The following LRP1B variants were observed in gnomAD, a reference collection of about 807,000 sequenced individuals.
LRP1B encodes the protein LDL receptor related protein 1B.
A neutral mutation model predicts 556.6 loss-of-function variants in LRP1B; 217 were observed. That is an observed-to-expected ratio of 0.39 (90% CI 0.35 to 0.44). LRP1B has a LOEUF of 0.44. Ranked by LOEUF, LRP1B falls within the 20% of genes least tolerant of loss-of-function variation. LRP1B has a pLI of 1.00. For synonymous variants in LRP1B, 2,047 were observed against 1,865.8 expected (o/e 1.10, Z -2.50); for missense variants, 5,053 against 5,620.8 (o/e 0.90, Z 3.23).
intron 2 of LRP1B, among the ~76,000 whole-genome samples, chr2:141,557,658 TAGTG>T (rs1191431128): frequency 1.3e-5 from 2 of 151,820 alleles, no homozygotes; most frequent in Non-Finnish European, 2.9e-5. Flanking sequence ...TCCTTAGAAA[TAGTG>T]AGCCACGAGA....
At chr2:140,376,304 A>G (rs1439153130) in intron 68 of LRP1B, among the ~76,000 whole-genome samples, 1 of 152,208 alleles carries the variant, frequency 6.6e-6, no homozygotes, top group East Asian at 1.9e-4. Context: ...TTGATTTCGC[A>G]TATGCACTTT....
At chr2:140,881,002 T>C (rs1334866371) in intron 25 of LRP1B, among the ~76,000 whole-genome samples, 3 of 152,112 alleles carry the variant, frequency 2.0e-5, no homozygotes, top group Non-Finnish European at 2.9e-5. Flanking sequence ...AATATAACAG[T>C]ATTTATATAA....
At chr2:141,247,533 C>T (rs923976227) in intron 4 of LRP1B, among the ~76,000 whole-genome samples, 179 bp from the exon 5 acceptor site, 1 of 152,104 alleles carries the variant, frequency 6.6e-6, no homozygotes, top group African/African-American at 2.4e-5. Flanking sequence ...TTAATATTTA[C>T]AGAGATAAAA....
intron 1 of LRP1B, among the ~76,000 whole-genome samples, chr2:142,048,104 T>C (rs1704322587): frequency 6.6e-6 from 1 of 152,088 alleles, no homozygotes; most frequent in Non-Finnish European, 1.5e-5. Context: ...GTTGCTTAAA[T>C]TTTCTAAGGT....
chr2:140,583,319 C>T (rs1006414023), intron 43 of LRP1B, among the ~76,000 whole-genome samples: 4 of 151,612 alleles, frequency 2.6e-5, no homozygotes, highest in East Asian at 1.9e-4. Context: ...GGATTACAGG[C>T]GAGCACCACC....
At chr2:140,832,308 T>C (rs75236711) in intron 31 of LRP1B, among the ~76,000 whole-genome samples, 4,173 of 152,160 alleles carry the variant, frequency 0.027, 68 homozygotes, top group South Asian at 0.056. Context: ...CAATCCCCCA[T>C]GTATACTGAG....
At chr2:141,806,752 T>C (rs1456729929) in intron 2 of LRP1B, among the ~76,000 whole-genome samples, 1 of 152,098 alleles carries the variant, frequency 6.6e-6, no homozygotes, top group African/African-American at 2.4e-5. Flanking sequence ...GATTTCTTAT[T>C]GTTCTGTACA....
At position 140,969,766 on chromosome 2, in the gene LRP1B, T is replaced by C. The variant is rs182239881; in HGVS notation, c.2887+12394A>G. ...ATTTGCTTGTCTGTAAAGGATTTTATTTCTCCTTCACTTATGAAGCTTAGT... is the reference window on the plus strand; with the variant it reads ...ATTTGCTTGTCTGTAAAGGATTTTACTTCTCCTTCACTTATGAAGCTTAGT... On this transcript the variant is annotated intron_variant, in intron 18 of 90. Coordinates refer to ENST00000389484, the MANE Select transcript of LRP1B (RefSeq NM_018557.3). Among the ~76,000 whole-genome samples, 435 of 152,288 alleles carry C rather than the reference T, an allele frequency of 2.9e-3. 3 individuals carry two copies. The highest frequency in any genetic ancestry group is 0.023 in the South Asian group (111 of 4,824).
rs199531178 is a variant in LRP1B at position 140,475,222 on chromosome 2, T to C, written c.9541A>G (p.Ile3181Val). ...TKISRPMALT[I>V]DYVNRRLYWA... is the part of the protein sequence containing the mutation. ...TAGAGTCTACGATTAACATAATCTATTGTTAGTGCCATAGGTCTAGAAATC... is the reference window on the plus strand; with the variant it reads ...TAGAGTCTACGATTAACATAATCTACTGTTAGTGCCATAGGTCTAGAAATC... The change falls in exon 60 of 91, where the codon ATA becomes GTA. Residue 3181 changes from isoleucine to valine, a missense_variant. Coordinates refer to ENST00000389484, the MANE Select transcript of LRP1B (RefSeq NM_018557.3). 49 of 1,611,804 alleles carry C rather than the reference T, an allele frequency of 3.0e-5. No homozygotes were observed. The highest frequency in any genetic ancestry group is 3.9e-5 in the Non-Finnish European group (46 of 1,178,402).
intron 2 of LRP1B, among the ~76,000 whole-genome samples, chr2:141,497,607 A>C (rs979009912): frequency 4.6e-5 from 7 of 152,086 alleles, no homozygotes; most frequent in African/African-American, 1.4e-4. Flanking sequence ...GCAAATAAGC[A>C]CTGCAGGATG....
At chr2:141,469,093 A>C (rs1682356370) in intron 3 of LRP1B, among the ~76,000 whole-genome samples, 1 of 152,250 alleles carries the variant, frequency 6.6e-6, no homozygotes, top group Non-Finnish European at 1.5e-5. Flanking sequence ...TTCTCAGCTA[A>C]TGCAAATAAA....
chr2:141,419,706 A>T (rs1680067300), intron 3 of LRP1B, among the ~76,000 whole-genome samples: 1 of 152,038 alleles, frequency 6.6e-6, no homozygotes, highest in Admixed American at 6.5e-5. Context: ...CTGTAAAAAT[A>T]ACTTCTAGAT....
At chr2:141,894,150 A>G (rs1699367788) in intron 1 of LRP1B, among the ~76,000 whole-genome samples, 1 of 152,200 alleles carries the variant, frequency 6.6e-6, no homozygotes, top group South Asian at 2.1e-4. Flanking sequence ...AATAAAATGC[A>G]TCTTGATTAA....
At chr2:142,123,118 G>C (rs1373007350) in intron 1 of LRP1B, among the ~76,000 whole-genome samples, 1 of 151,786 alleles carries the variant, frequency 6.6e-6, no homozygotes, top group Non-Finnish European at 1.5e-5. Flanking sequence ...AACACATTTC[G>C]GTTATCAGCA....
chr2:140,739,892 T>C (rs1688079750), intron 35 of LRP1B, among the ~76,000 whole-genome samples: 1 of 151,960 alleles, frequency 6.6e-6, no homozygotes, highest in East Asian at 1.9e-4. Context: ...CAAAAGAAGA[T>C]ATAAAAATGA....
At chr2:141,035,714 CA>C (rs1698513517) in intron 11 of LRP1B, among the ~76,000 whole-genome samples, 1 of 151,954 alleles carries the variant, frequency 6.6e-6, no homozygotes, top group Non-Finnish European at 1.5e-5. Context: ...TCTTTTTATA[CA>C]GTGAAAACTC....
At chr2:140,522,295 A>T (rs1444931144) in intron 49 of LRP1B, among the ~76,000 whole-genome samples, 1 of 152,052 alleles carries the variant, frequency 6.6e-6, no homozygotes, top group Non-Finnish European at 1.5e-5. Flanking sequence ...AAACCACATA[A>T]TATGGAAACT....
At chr2:141,767,874 T>G (rs1217204701) in intron 2 of LRP1B, among the ~76,000 whole-genome samples, 2 of 152,156 alleles carry the variant, frequency 1.3e-5, no homozygotes, top group African/African-American at 2.4e-5. Flanking sequence ...AAGAAGCTAA[T>G]TTGTTAAACT....
At chr2:141,900,015 G>T (rs78100288) in intron 1 of LRP1B, among the ~76,000 whole-genome samples, 2 of 152,004 alleles carry the variant, frequency 1.3e-5, no homozygotes, top group Non-Finnish European at 1.5e-5. Flanking sequence ...AGATGAACAC[G>T]CTCTCTGGAA....
Sources: gnomAD v4.1 joint callset for allele counts (sites outside exome capture counted in the v4.1 genomes callset) on GRCh38, gnomAD v4.1.1 for gene constraint, MANE v1.5 for transcripts, NCBI Gene and HGNC (gene_info 2026-07-23, HGNC 2026-07-21) for gene names.